The following MEI4 variants were observed in gnomAD, a reference collection of about 807,000 sequenced individuals.
The protein encoded by MEI4 is meiotic double-stranded break formation protein 4, also known as meiosis-specific protein MEI4.
In MEI4, 27 loss-of-function variants were observed where a neutral mutation model predicts 31.4. The observed-to-expected ratio is 0.86, with a 90% CI of 0.63 to 1.19. MEI4 has a LOEUF of 1.19. Among genes scored for constraint, MEI4 ranks in the 50% most tolerant of loss-of-function variants. MEI4 has a pLI of 0.00. For synonymous variants in MEI4, 122 were observed against 145.4 expected, an observed-to-expected ratio of 0.84 and a Z score of 1.16; for missense variants, 329 against 398.9, an observed-to-expected ratio of 0.82 and a Z score of 1.49.
At chr6:77,921,392 T>A (rs1766699359) in intron 4 of MEI4, among the ~76,000 whole-genome samples, 1 of 151,846 alleles carries the variant, frequency 6.6e-6, no homozygotes, top group Non-Finnish European at 1.5e-5. Context: ...GGTTCAGGTA[T>A]TGGCTTAAGT....
chr6:77,904,256 T>C (rs986171065), intron 4 of MEI4, among the ~76,000 whole-genome samples: 1 of 152,186 alleles, frequency 6.6e-6, no homozygotes, highest in Non-Finnish European at 1.5e-5. Flanking sequence ...AAGCATCTTA[T>C]AGTTATAACA....
At chr6:77,739,458 C>T (rs1004907887) in intron 2 of MEI4, among the ~76,000 whole-genome samples, 5 of 152,082 alleles carry the variant, frequency 3.3e-5, no homozygotes, top group African/African-American at 1.2e-4. Context: ...TCATTCTCAC[C>T]AGACTAATAC....
chr6:77,658,111 G>A (rs577228117), intron 1 of MEI4, among the ~76,000 whole-genome samples: 2 of 152,334 alleles, frequency 1.3e-5, no homozygotes, highest in Admixed American at 1.3e-4. Flanking sequence ...GGCTGAGTCC[G>A]AAAAGAGAGT....
chr6:77,885,586 T>G (rs1472714070), intron 4 of MEI4, among the ~76,000 whole-genome samples: 1 of 152,160 alleles, frequency 6.6e-6, no homozygotes, highest in South Asian at 2.1e-4. Flanking sequence ...GTTAGGTTTT[T>G]TTTAAATGTA....
chr6:77,889,262 G>A (rs1161508293), intron 4 of MEI4, among the ~76,000 whole-genome samples: 1 of 152,172 alleles, frequency 6.6e-6, no homozygotes, highest in Non-Finnish European at 1.5e-5. Context: ...ATGTGGGAAA[G>A]TTTGGAATTT....
chr6:77,693,778 G>T (rs1211432690), intron 2 of MEI4, among the ~76,000 whole-genome samples: 1 of 152,100 alleles, frequency 6.6e-6, no homozygotes, highest in Non-Finnish European at 1.5e-5. Context: ...ACATGAAATA[G>T]TGATAATCCT....
chr6:77,774,989 A>G (rs1768402302), intron 3 of MEI4, among the ~76,000 whole-genome samples: 1 of 152,046 alleles, frequency 6.6e-6, no homozygotes, highest in South Asian at 2.1e-4. Context: ...AACATCTTTT[A>G]GGGTCAGCCA....
chr6:77,667,723 C>A (rs1351205639), intron 1 of MEI4, among the ~76,000 whole-genome samples: 1 of 152,020 alleles, frequency 6.6e-6, no homozygotes. Context: ...GGCAGTTGAA[C>A]TGGACCATGA....
intron 4 of MEI4, among the ~76,000 whole-genome samples, chr6:77,861,340 T>A (rs918229755): frequency 2.0e-5 from 3 of 152,236 alleles, no homozygotes; most frequent in African/African-American, 7.2e-5. Flanking sequence ...AAAGTTTGTC[T>A]ATAAAATTGT....
chr6:77,658,629 A>T (rs1221280662), intron 1 of MEI4, among the ~76,000 whole-genome samples: 2 of 152,072 alleles, frequency 1.3e-5, no homozygotes, highest in East Asian at 3.9e-4. Flanking sequence ...ATTAAGCTGA[A>T]GGGAGGTCTT....
At chr6:77,835,024 T>C (rs961060025) in intron 4 of MEI4, among the ~76,000 whole-genome samples, 3 of 152,004 alleles carry the variant, frequency 2.0e-5, no homozygotes, top group Non-Finnish European at 4.4e-5. Flanking sequence ...AAGAGAGTTT[T>C]TGACTATTAC....
At chr6:77,765,533 A>G (rs911765190) in intron 3 of MEI4, among the ~76,000 whole-genome samples, 1 of 151,112 alleles carries the variant, frequency 6.6e-6, no homozygotes, top group Non-Finnish European at 1.5e-5. Context: ...GTCATTTAGC[A>G]TTAGGTATAT....
intron 4 of MEI4, among the ~76,000 whole-genome samples, chr6:77,841,329 A>ATTTTT: frequency 2.7e-5 from 1 of 36,928 alleles, no homozygotes; most frequent in African/African-American, 2.7e-4. Context: ...ATATATATAT[A>ATTTTT]TATATTTTTT....
At chr6:77,786,785 A>T (rs1443783006) in intron 3 of MEI4, among the ~76,000 whole-genome samples, 1 of 152,180 alleles carries the variant, frequency 6.6e-6, no homozygotes, top group African/African-American at 2.4e-5. Flanking sequence ...TAAGAAAAAA[A>T]TTTCATTGAC....
intron 4 of MEI4, among the ~76,000 whole-genome samples, chr6:77,841,534 GT>G: frequency 6.6e-6 from 1 of 151,090 alleles, no homozygotes; most frequent in Non-Finnish European, 1.5e-5. Context: ...TAGAGATGGA[GT>G]TTCACCATGT....
rs138606356 is a variant in MEI4 at position 77,748,139 on chromosome 6, A to G, written c.233-12991A>G. Among the ~76,000 whole-genome samples, 213 of 152,258 alleles carry G rather than the reference A, an allele frequency of 1.4e-3. 1 individual carries two copies. The highest frequency in any genetic ancestry group is 4.5e-3 in the African/African-American group (187 of 41,564). On this transcript the variant is annotated intron_variant, in intron 2 of 4. Coordinates refer to ENST00000684080, the MANE Select transcript of MEI4 (RefSeq NM_001322247.2). ...CTGTTGGTGGATCTACTATTCTGGG[A>G]TCTGGGGGACAGTAGCCCTCTTCTC...
intron 4 of MEI4, among the ~76,000 whole-genome samples, chr6:77,862,803 A>G (rs886905549): frequency 2.0e-5 from 3 of 152,202 alleles, no homozygotes; most frequent in African/African-American, 7.2e-5. Context: ...ACCCCCAAGT[A>G]GCCTAACTGG....
intron 2 of MEI4, among the ~76,000 whole-genome samples, chr6:77,741,231 C>CT (rs1168114636): frequency 6.6e-6 from 1 of 152,114 alleles, no homozygotes; most frequent in Non-Finnish European, 1.5e-5. Context: ...AGAGGGAAGG[C>CT]TGGAGAAGGA....
At chr6:77,743,384 T>C (rs1767476062) in intron 2 of MEI4, among the ~76,000 whole-genome samples, 2 of 152,304 alleles carry the variant, frequency 1.3e-5, no homozygotes, top group African/African-American at 4.8e-5. Context: ...TTTGAAGCAA[T>C]TGTGAATTGG....
Sources: allele counts gnomAD v4.1 joint callset (sites outside exome capture counted in the v4.1 genomes callset), GRCh38; gene constraint gnomAD v4.1.1; transcripts MANE v1.5; gene names NCBI Gene and HGNC (gene_info 2026-07-23, HGNC 2026-07-21).